Variants in PLXNA1 observed in about 807,000 individuals in gnomAD.
PLXNA1 encodes plexin-A1.
Under a neutral mutation model 191.7 loss-of-function variants are expected in PLXNA1, and 77 were observed. That is an observed-to-expected ratio of 0.40 (90% confidence interval 0.33 to 0.49). The LOEUF is 0.49. Ranked by LOEUF, PLXNA1 falls within the 20% of genes least tolerant of loss-of-function variation. PLXNA1 has a pLI of 0.63. For missense variants in PLXNA1, 2,110 were observed against 2,660.2 expected, an observed-to-expected ratio of 0.79 and a Z score of 4.55; for synonymous variants, 1,137 against 1,156.4, an observed-to-expected ratio of 0.98 and a Z score of 0.34.
chr3:127,023,285 T>C (rs914197157), intron 23 of PLXNA1, among the ~76,000 whole-genome samples: 4 of 152,134 alleles, frequency 2.6e-5, no homozygotes, highest in Non-Finnish European at 5.9e-5. Flanking sequence ...GAACAGGGTG[T>C]AGGCCAGAGA....
At position 127,028,190 on chromosome 3, in the gene PLXNA1, T is replaced by C. The variant is rs2079186426; in HGVS notation, c.4519T>C (p.Cys1507Arg). 1.2e-6 allele frequency: 2 copies of C among 1,613,190 alleles called. No individual in the cohort carries two copies. The highest frequency in any genetic ancestry group is 1.7e-6 in the Non-Finnish European group (2 of 1,179,946). The change falls in exon 25 of 32, where the codon TGT becomes CGT. Residue 1507 changes from cysteine (C) to arginine (R), a missense_variant. Transcript: ENST00000393409. ...TCCACCCCGCCCGCAGACCCTGAAC[T>C]GTGTGAACCCTGAGAATGAGAATGC... ...QIDYKTLTLN[C>R]VNPENENAPE...
At position 127,014,742 on chromosome 3, in the gene PLXNA1, G is replaced by A. The variant is rs1378263956; in HGVS notation, c.2788G>A (p.Val930Met). The change falls in exon 14 of 32, where the codon GTG becomes ATG. Residue 930 changes from valine (V) to methionine (M), a missense_variant. Around this residue, in one of 4 missense-constraint regions of PLXNA1, gnomAD observed 644 missense variants for 714.3 expected, o/e 0.90. Transcript: ENST00000393409. ...IVCEIGDASS[V>M]RAHDALVEVC... ...CTGTGAGATCGGGGACGCCAGCTCC[G>A]TGCGTGCCCATGACGCCCTGGTGGA... 4.3e-6 allele frequency: 7 copies of A among 1,612,112 alleles called. No individual in the cohort carries two copies. The highest frequency in any genetic ancestry group is 4.5e-5 in the East Asian group (2 of 44,866).
chr3:127,032,228 C>T (rs968681524), intron 29 of PLXNA1, among the ~76,000 whole-genome samples, 159 bp from the exon 30 acceptor site: 8 of 152,150 alleles, frequency 5.3e-5, no homozygotes, highest in African/African-American at 1.7e-4. Flanking sequence ...CAGGGGACGG[C>T]CTTCACTTAA....
At position 127,002,812 on chromosome 3, in the gene PLXNA1, G is replaced by A. The variant is rs377363023; in HGVS notation, c.1378-518G>A. On this transcript the variant is annotated intron_variant, in intron 3 of 31. Transcript: ENST00000393409. ...GAATACATTTCCATGCCGATGAGAC[G>A]CCCACCCTCCTCCACTGCCTTGCCA... 3.3e-4 allele frequency among the ~76,000 whole-genome samples: 51 copies of A among 152,262 alleles called. 1 individual carries two copies. Among genetic ancestry groups the A allele is most frequent in the South Asian group, 3.3e-3 (16 of 4,816 alleles).
rs2079108494 is a variant in PLXNA1 at position 127,014,031 on chromosome 3, G to A, written c.2325G>A (p.Glu775=). The change falls in exon 11 of 32, where the codon GAG becomes GAA. Residue 775 remains glutamate (E), a synonymous_variant. Coordinates refer to ENST00000393409, the MANE Select transcript of PLXNA1 (RefSeq NM_032242.4). ...CCATCACCTAACAGTACTCCTACGA[G>A]GGGAACGATGTCAGCGACCTGCCAG... ...LQCQNSSYSY[E]GNDVSDLPVN... 2.5e-6 allele frequency: 4 copies of A among 1,613,798 alleles called. No homozygotes were observed. The highest frequency in any genetic ancestry group is 2.5e-6 in the Non-Finnish European group (3 of 1,179,934).
intron 21 of PLXNA1, among the ~76,000 whole-genome samples, chr3:127,020,644 G>A (rs998883664): frequency 6.6e-6 from 1 of 152,226 alleles, no homozygotes; most frequent in Admixed American, 6.5e-5. Flanking sequence ...CAGGGCCTCC[G>A]TGGGATGCCA....
Position 127,014,814 on chromosome 3 carries a change from A to G in PLXNA1, c.2860A>G (p.Lys954Glu). 1 of 1,612,502 alleles carries G rather than the reference A, an allele frequency of 6.2e-7. No homozygotes were observed. The change falls in exon 14 of 32, where the codon AAG becomes GAG. Residue 954 changes from lysine (K) to glutamate (E), a missense_variant. Coordinates refer to ENST00000393409, the MANE Select transcript of PLXNA1 (RefSeq NM_032242.4). ...ACCACACTACCGCGCCCTGTCACCC[A>G]AGCGCTTCACCTTCGTGGTGAGTCT... is the stretch of plus-strand genomic sequence containing the variant. Reference protein sequence around the residue: ...CSPHYRALSPKRFTFVTPTFY... With the variant: ...CSPHYRALSPERFTFVTPTFY...
At chr3:127,030,452 C>T in intron 29 of PLXNA1, 40 bp downstream of exon 29, 2 of 1,607,020 alleles carry the variant, frequency 1.2e-6, no homozygotes, top group Non-Finnish European at 1.7e-6. Context: ...CCCCCAGGGC[C>T]AGGCCAGATG....
intron 4 of PLXNA1, among the ~76,000 whole-genome samples, chr3:127,003,829 T>G (rs2079052833): frequency 6.6e-6 from 1 of 152,242 alleles, no homozygotes; most frequent in Admixed American, 6.5e-5. Context: ...GGGTGTGTAC[T>G]GGGCCACTGA....
chr3:126,988,253 T>C (rs2078969287), intron 1 of PLXNA1, among the ~76,000 whole-genome samples: 1 of 152,202 alleles, frequency 6.6e-6, no homozygotes, highest in Non-Finnish European at 1.5e-5. Context: ...TTCCTGTTCC[T>C]GGCCTCCGCC....
Position 126,989,690 on chromosome 3 carries a change from A to G in PLXNA1, c.1097A>G (p.Lys366Arg). The change falls in exon 2 of 32, where the codon AAG becomes AGG. Residue 366 changes from lysine to arginine, a missense_variant. Physicochemically the swap from Lys to Arg is conservative, Grantham distance 26. Coordinates refer to ENST00000393409, the MANE Select transcript of PLXNA1 (RefSeq NM_032242.4). Reference protein sequence around the residue: ...ALCLFTLRAIKEKIKERIQSC... With the variant: ...ALCLFTLRAIREKIKERIQSC... Reference sequence around the variant, plus strand: ...TGCCTGTTCACGCTCAGGGCCATCAAGGAGAAGATTAAGGAGCGCATCCAG... The same window carrying G: ...TGCCTGTTCACGCTCAGGGCCATCAGGGAGAAGATTAAGGAGCGCATCCAG... 5.6e-6 allele frequency: 9 copies of G among 1,613,120 alleles called. No individual in the cohort carries two copies. The highest frequency in any genetic ancestry group is 7.6e-6 in the Non-Finnish European group (9 of 1,180,016).
rs754340885 is a variant in PLXNA1, at chr3:127,007,861, C to T, written c.2060C>T (p.Thr687Ile). 1.2e-6 allele frequency: 2 copies of T among 1,612,852 alleles called. No homozygotes were observed. The highest frequency in any genetic ancestry group is 4.5e-5 in the East Asian group (2 of 44,864). Residue 687 changes from threonine to isoleucine, a missense_variant, in exon 9 of 32, where the codon ACA becomes ATA. Coordinates refer to ENST00000393409, the MANE Select transcript of PLXNA1 (RefSeq NM_032242.4). ...CHWCKYRHVC[T>I]HNVADCAFLE... ...TGGTGCAAATACCGCCACGTGTGCACACACAACGTGGCTGACTGCGCCTTC... is the reference window on the plus strand; with the variant it reads ...TGGTGCAAATACCGCCACGTGTGCATACACAACGTGGCTGACTGCGCCTTC...
intron 10 of PLXNA1, among the ~76,000 whole-genome samples, chr3:127,013,593 G>A (rs905661104): frequency 6.6e-6 from 1 of 152,206 alleles, no homozygotes; most frequent in Non-Finnish European, 1.5e-5. Flanking sequence ...GCCCCAGTCC[G>A]GGGACACGGA....
rs996116546 is a variant in PLXNA1 at position 127,032,582 on chromosome 3, C to T, written c.5427C>T (p.Tyr1809=). The T allele has an allele frequency of 6.2e-7, 1 of 1,613,708 alleles. No homozygotes were observed. The highest frequency in any genetic ancestry group is 8.5e-7 in the Non-Finnish European group (1 of 1,179,956). ...TCTACGCCAAGGACATCCCCAACTA[C>T]AAGAGCTGGGTGGAGAGGTAGGTGG... ...KLLYAKDIPN[Y]KSWVERYYAD... is the part of the protein sequence containing the mutation. The change falls in exon 30 of 32, where the codon TAC becomes TAT. Residue 1809 remains tyrosine, a synonymous_variant. Transcript: ENST00000393409.
chr3:127,008,864 T>A (rs2079081344), intron 9 of PLXNA1, among the ~76,000 whole-genome samples: 1 of 152,136 alleles, frequency 6.6e-6, no homozygotes, highest in African/African-American at 2.4e-5. Context: ...TGGCATGACA[T>A]CAGGGCACAG....
At position 127,014,742 on chromosome 3, in the gene PLXNA1, G is replaced by C; in HGVS notation, c.2788G>C (p.Val930Leu). 2.5e-6 allele frequency: 4 copies of C among 1,612,112 alleles called. No homozygotes were observed. Among genetic ancestry groups the C allele is most frequent in the African/African-American group, 1.3e-5 (1 of 75,002 alleles). Residue 930 changes from valine to leucine, a missense_variant, in exon 14 of 32, where the codon GTG becomes CTG. This residue lies in a region of PLXNA1 where 644 missense variants were observed against 714.3 expected (regional missense o/e 0.90). Coordinates refer to ENST00000393409, the MANE Select transcript of PLXNA1 (RefSeq NM_032242.4). ...CTGTGAGATCGGGGACGCCAGCTCCGTGCGTGCCCATGACGCCCTGGTGGA... is the reference window on the plus strand; with the variant it reads ...CTGTGAGATCGGGGACGCCAGCTCCCTGCGTGCCCATGACGCCCTGGTGGA... ...IVCEIGDASSVRAHDALVEVC... is the reference protein window; with the variant it reads ...IVCEIGDASSLRAHDALVEVC...
intron 4 of PLXNA1, among the ~76,000 whole-genome samples, 167 bp from the exon 5 acceptor site, chr3:127,004,444 C>T (rs747108236): frequency 3.9e-5 from 6 of 152,168 alleles, no homozygotes; most frequent in Admixed American, 6.5e-5. Context: ...CTGACCTGTG[C>T]GACCTGGCTT....
chr3:127,027,452 G>A, intron 23 of PLXNA1: 1 of 361,084 alleles, frequency 2.8e-6, no homozygotes, highest in Non-Finnish European at 5.4e-6. Flanking sequence ...GTCCCTAGGA[G>A]GCCAGTGGAT....
At chr3:126,997,828 C>T (rs2079021408) in intron 3 of PLXNA1, among the ~76,000 whole-genome samples, 1 of 152,256 alleles carries the variant, frequency 6.6e-6, no homozygotes, top group African/African-American at 2.4e-5. Context: ...CTAAGCCAGT[C>T]AGGCCTAAGC....
Sources: allele counts gnomAD v4.1 joint callset (sites outside exome capture counted in the v4.1 genomes callset), GRCh38; gene constraint gnomAD v4.1.1; regional missense constraint gnomAD v4.1.1; transcripts MANE v1.5; gene names NCBI Gene and HGNC (gene_info 2026-07-23, HGNC 2026-07-21).